CAP1: variants seen among roughly 807,000 people sequenced by gnomAD.
The protein encoded by CAP1 is cyclase associated actin cytoskeleton regulatory protein 1.
A neutral mutation model predicts 58.2 loss-of-function variants in CAP1; 11 were observed. The observed-to-expected ratio is 0.19, with a 90% CI of 0.12 to 0.31. The LOEUF (loss-of-function observed/expected upper bound fraction) is 0.31, where lower values mean the gene tolerates loss of function less well. Among genes scored for constraint, CAP1 ranks in the 10% least tolerant of loss-of-function variants. The pLI is 1.00. For missense variants in CAP1, 423 were observed against 587.5 expected, an observed-to-expected ratio of 0.72 and a Z score of 2.89; for synonymous variants, 183 against 213.8, an observed-to-expected ratio of 0.86 and a Z score of 1.26.
chr1:40,070,204 C>T lies in CAP1; in HGVS notation c.1039C>T (p.Leu347=). 1.9e-6 allele frequency: 3 copies of T among 1,614,140 alleles called. No homozygotes were observed. The South Asian group carries it at 3.3e-5, about 18-fold the overall frequency. ...VSNLVIEDTE[L]KQVAYIYKCV... ...CAACCTGGTGATTGAGGACACAGAG[C>T]TGAAACAGGTGGCTTACATATACAA... Residue 347 remains leucine, a synonymous_variant, in exon 10 of 13, where the codon CTG becomes TTG. Coordinates refer to ENST00000372805, the MANE Select transcript of CAP1 (RefSeq NM_006367.4).
chr1:40,064,319 T>G lies in CAP1; in HGVS notation c.387T>G (p.Asn129Lys). 6.2e-7 allele frequency: 1 copy of G among 1,614,216 alleles called. No homozygotes were observed. Among genetic ancestry groups the G allele is most frequent in the Non-Finnish European group, 8.5e-7 (1 of 1,180,028 alleles). ...REKNRGSKLF[N>K]HLSAVSESIQ... is the part of the protein sequence containing the mutation. ...AGAACCGAGGCAGCAAGTTGTTTAA[T>G]CACCTGTCAGCTGTCAGCGAAAGTA... The change falls in exon 5 of 13, where the codon AAT (asparagine) becomes AAG (lysine). Residue 129 changes from asparagine to lysine, a missense_variant. Coordinates refer to ENST00000372805, the MANE Select transcript of CAP1 (RefSeq NM_006367.4).
At chr1:40,066,372 C>A in intron 7 of CAP1, 52 bp downstream of exon 7, 1 of 942,072 alleles carries the variant, frequency 1.1e-6, no homozygotes, top group Non-Finnish European at 1.7e-6. Context: ...CTCTCTCCAG[C>A]ATGGGGTCCA....
rs61781911 is a variant in CAP1 at position 40,071,893 on chromosome 1, C to T, written c.*360C>T. 5.5e-3 allele frequency: 2,382 copies of T among 432,348 alleles called. 54 individuals carry two copies. Among genetic ancestry groups the T allele is most frequent in the East Asian group, 0.046 (1,363 of 29,818 alleles). 26.8% of individuals were successfully genotyped at this position (432,348 alleles called of 1,614,324 possible). The stretch of plus-strand genomic sequence containing the variant: ...AAAACAGTCCCTGGAATTAACAGAT[C>T]AGAATGTTCACACTGGTTAATCTTT... On this transcript the variant is annotated 3_prime_UTR_variant, in exon 13 of 13. Transcript: ENST00000372805.
chr1:40,042,166 C>T (rs547835336), intron 1 of CAP1, among the ~76,000 whole-genome samples: 5 of 152,292 alleles, frequency 3.3e-5, no homozygotes, highest in Non-Finnish European at 5.9e-5. Flanking sequence ...CATGATCCAC[C>T]GTGCCCGGCC....
chr1:40,054,523 T>C (rs1429983081), intron 1 of CAP1, among the ~76,000 whole-genome samples: 1 of 152,190 alleles, frequency 6.6e-6, no homozygotes, highest in East Asian at 1.9e-4. Context: ...TGGCAAGACA[T>C]GGTCCTTGCC....
At chr1:40,070,024 G>T in intron 9 of CAP1, 135 bp from the exon 10 acceptor site, 1 of 1,433,970 alleles carries the variant, frequency 7.0e-7, no homozygotes. Flanking sequence ...GTAGGAACAG[G>T]AGGTTAAATG....
chr1:40,063,260 C>G (rs1646935530), intron 4 of CAP1, among the ~76,000 whole-genome samples: 1 of 152,114 alleles, frequency 6.6e-6, no homozygotes, highest in Non-Finnish European at 1.5e-5. Flanking sequence ...TCACTGAAAC[C>G]TCCACCTCCC....
chr1:40,067,406 G>A, intron 7 of CAP1, 134 bp from the exon 8 acceptor site: 1 of 694,700 alleles, frequency 1.4e-6, no homozygotes, highest in Non-Finnish European at 2.4e-6. Flanking sequence ...GTTGGGTATG[G>A]GTAGGACACA....
At chr1:40,045,793 C>T (rs1646067716) in intron 1 of CAP1, among the ~76,000 whole-genome samples, 1 of 152,086 alleles carries the variant, frequency 6.6e-6, no homozygotes. Flanking sequence ...TCAAGGGAAC[C>T]ACCCACCTCA....
chr1:40,060,010 T>G, intron 2 of CAP1, 57 bp from the exon 3 acceptor site: 1 of 1,436,500 alleles, frequency 7.0e-7, no homozygotes, highest in Non-Finnish European at 9.8e-7. Context: ...AGAAGCACGT[T>G]TTAAAGAAGC....
chr1:40,060,443 G>T (rs1359098745), intron 3 of CAP1, among the ~76,000 whole-genome samples: 1 of 152,108 alleles, frequency 6.6e-6, no homozygotes, highest in Non-Finnish European at 1.5e-5. Flanking sequence ...TTGTAGTGAA[G>T]AATATGCACC....
chr1:40,055,289 GACTT>G (rs1306306654), intron 1 of CAP1, among the ~76,000 whole-genome samples: 3 of 152,128 alleles, frequency 2.0e-5, no homozygotes, highest in Non-Finnish European at 4.4e-5. Context: ...CCCTTGTTTG[GACTT>G]TACCCTGAAC....
intron 1 of CAP1, among the ~76,000 whole-genome samples, chr1:40,057,185 A>G (rs935548094): frequency 2.0e-5 from 3 of 152,214 alleles, no homozygotes; most frequent in African/African-American, 7.2e-5. Flanking sequence ...AGTGGTCTCA[A>G]CCTGAAACAT....
intron 1 of CAP1, among the ~76,000 whole-genome samples, chr1:40,049,489 G>GC (rs1335863999): frequency 6.6e-6 from 1 of 151,976 alleles, no homozygotes; most frequent in Non-Finnish European, 1.5e-5. Flanking sequence ...GAGATTACAG[G>GC]CCTGAGCCAC....
chr1:40,043,615 G>A (rs115538413), intron 1 of CAP1, among the ~76,000 whole-genome samples: 8 of 152,244 alleles, frequency 5.3e-5, no homozygotes, highest in African/African-American at 1.7e-4. Context: ...AGTGACTCAC[G>A]CCTGTAATCC....
intron 1 of CAP1, among the ~76,000 whole-genome samples, chr1:40,045,913 C>T (rs1277558750): frequency 6.6e-6 from 1 of 151,966 alleles, no homozygotes; most frequent in Admixed American, 6.6e-5. Context: ...GTCTTAAACC[C>T]CTGGCCTCAG....
chr1:40,070,817 C>A lies in CAP1; in HGVS notation c.1201-19C>A, dbSNP rs1647805060. 1.3e-6 allele frequency: 2 copies of A among 1,596,080 alleles called. No individual in the cohort carries two copies. The highest frequency in any genetic ancestry group is 2.2e-4 in the Middle Eastern group (1 of 4,530). On this transcript the variant is annotated intron_variant, in intron 11 of 12. Transcript: ENST00000372805. The stretch of plus-strand genomic sequence containing the variant: ...CCTTCCCAACCACTGGGACTCAGTT[C>A]TCTTTGTTTACTCTGCAGGTAATGG...
At position 40,051,102 on chromosome 1, in the gene CAP1, G is replaced by A. The variant is rs532054260; in HGVS notation, c.-10-8235G>A. 9.2e-5 allele frequency among the ~76,000 whole-genome samples: 14 copies of A among 152,114 alleles called. No individual in the cohort carries two copies. In the South Asian group the frequency reaches 1.5e-3, roughly 16 times the overall value. ...ACTTCCCTCCTGAAACCAAGCTACC[G>A]CCAGTCCTCATTGATTTCCTCTGAA... On this transcript the variant is annotated intron_variant, in intron 1 of 12. Transcript: ENST00000372805.
In CAP1 at chr1:40,051,393, C is replaced by T. The variant is rs567882336; in HGVS notation, c.-10-7944C>T. Among the ~76,000 whole-genome samples, 110 of 80,166 alleles carry T rather than the reference C, an allele frequency of 1.4e-3. 1 individual carries two copies. The highest frequency in any genetic ancestry group is 3.3e-3 in the African/African-American group (93 of 28,466). The allele number at this position is 80,166 out of a possible 152,430, so 52.6% of individuals were successfully genotyped here. A position where few individuals can be genotyped will look rare whatever the true frequency, so the allele number is the denominator to read the frequency against. The stretch of plus-strand genomic sequence containing the variant: ...AGTGAGACTCTGTCTCTATCACACA[C>T]ATACACACACACACACACAAAAGCC... On this transcript the variant is annotated intron_variant, in intron 1 of 12. Transcript: ENST00000372805.
Sources: allele counts gnomAD v4.1 joint callset (sites outside exome capture counted in the v4.1 genomes callset), GRCh38; gene constraint gnomAD v4.1.1; transcripts MANE v1.5; gene names NCBI Gene and HGNC (gene_info 2026-07-23, HGNC 2026-07-21).